Variants in DNAJB13 observed in about 807,000 individuals in gnomAD.
The protein encoded by DNAJB13 is dnaJ homolog subfamily B member 13.
A neutral mutation model predicts 35.6 loss-of-function variants in DNAJB13; 22 were observed. That is an observed-to-expected ratio of 0.62 (90% CI 0.44 to 0.88). The LOEUF (loss-of-function observed/expected upper bound fraction) is 0.88. Among genes scored for constraint, DNAJB13 ranks in the 40% least tolerant of loss-of-function variants. DNAJB13 has a pLI of 0.00. For synonymous variants in DNAJB13, 136 were observed against 144.2 expected (o/e 0.94, Z 0.41); for missense variants, 370 against 384.3 (o/e 0.96, Z 0.31).
At chr11:73,965,595 C>A (rs1322863900) in intron 4 of DNAJB13, 1 of 160,600 alleles carries the variant, frequency 6.2e-6, no homozygotes, top group Non-Finnish European at 1.4e-5. Context: ...AGAGGAGATG[C>A]CGATGCGGCC....
At chr11:73,960,390 CA>C (rs1950898005) in intron 3 of DNAJB13, among the ~76,000 whole-genome samples, 1 of 152,220 alleles carries the variant, frequency 6.6e-6, no homozygotes, top group Non-Finnish European at 1.5e-5. Context: ...CCATGTCTGC[CA>C]GGCTGGTCTT....
chr11:73,958,772 A>G (rs1189289272), intron 2 of DNAJB13, among the ~76,000 whole-genome samples: 1 of 152,218 alleles, frequency 6.6e-6, no homozygotes, highest in Non-Finnish European at 1.5e-5. Context: ...GAAGCTGGGC[A>G]GGCGTGCCCA....
At chr11:73,964,788 T>C (rs1951036457) in intron 3 of DNAJB13, 90 bp from the exon 4 acceptor site, 4 of 853,434 alleles carry the variant, frequency 4.7e-6, no homozygotes, top group Non-Finnish European at 3.6e-6. Flanking sequence ...TGTGTGTGTG[T>C]GTGTGTGTGT....
chr11:73,953,488 A>T lies in DNAJB13; in HGVS notation c.68+2351A>T, dbSNP rs146798161. Among the ~76,000 whole-genome samples, 1,091 of 152,296 alleles carry T rather than the reference A, an allele frequency of 7.2e-3. 15 individuals are homozygous for T. The highest frequency in any genetic ancestry group is 0.024 in the African/African-American group (992 of 41,566). ...GGGCTCACAACACTAAAGATTTCAC[A>T]TGAAAGGGTCGTGATTGATTTGAGC... On this transcript the variant is annotated intron_variant, in intron 1 of 7. Transcript: ENST00000339764.
chr11:73,966,977 C>G (rs1222158879), intron 5 of DNAJB13, among the ~76,000 whole-genome samples: 3 of 151,942 alleles, frequency 2.0e-5, no homozygotes, highest in African/African-American at 7.3e-5. Flanking sequence ...CTCAGCTTCC[C>G]CAGTAGCTGG....
At chr11:73,958,177 A>G in intron 1 of DNAJB13, 140 bp from the exon 2 acceptor site, 1 of 772,510 alleles carries the variant, frequency 1.3e-6, no homozygotes, top group Non-Finnish European at 2.1e-6. Flanking sequence ...TGAGCAGTGC[A>G]CCTCCGCAGC....
chr11:73,965,111 T>TAA, intron 4 of DNAJB13, 76 bp downstream of exon 4: 1 of 1,444,512 alleles, frequency 6.9e-7, no homozygotes, highest in Non-Finnish European at 9.3e-7. Flanking sequence ...CTTACCTGGG[T>TAA]GGGAGGACTC....
intron 4 of DNAJB13, 57 bp from the exon 5 acceptor site, chr11:73,966,081 C>A: frequency 8.1e-6 from 12 of 1,490,566 alleles, no homozygotes; most frequent in Non-Finnish European, 1.1e-5. Flanking sequence ...GAGCAAATCT[C>A]GACTGTACTC....
At chr11:73,963,570 C>T (rs1195014765) in intron 3 of DNAJB13, 1 of 152,268 alleles carries the variant, frequency 6.6e-6, no homozygotes, top group Non-Finnish European at 1.5e-5. Context: ...AGTCCCATCT[C>T]CCTGCAGGGT....
At chr11:73,959,446 CT>C in intron 2 of DNAJB13, 47 bp from the exon 3 acceptor site, 2 of 1,582,722 alleles carry the variant, frequency 1.3e-6, no homozygotes, top group Non-Finnish European at 1.7e-6. Flanking sequence ...CTCCACCTAT[CT>C]CAGCCCCCAA....
In DNAJB13 at chr11:73,958,265, C is replaced by A. The variant is rs10793068; in HGVS notation, c.69-52C>A. The A allele has an allele frequency of 0.41, 640,510 of 1,580,670 alleles. 133,378 individuals are homozygous for A. Among genetic ancestry groups the A allele is most frequent in the African/African-American group, 0.65 (48,147 of 74,336 alleles). ...AGTGCCGGCTCTGAACTCTGGTCCG[C>A]CCTCAGAAACAGACCAGCTGATAAG... On this transcript the variant is annotated intron_variant, in intron 1 of 7. Transcript: ENST00000339764.
Position 73,964,815 on chromosome 11 carries a change from G to GCGCGCGCGCGCC in DNAJB13, c.335-54_335-53insGCCCGCGCGCGC, listed in dbSNP as rs150548061. 3,651 of 974,442 alleles carry GCGCGCGCGCGCC rather than the reference G, an allele frequency of 3.7e-3. 174 individuals carry two copies. The highest frequency in any genetic ancestry group is 4.2e-3 in the African/African-American group (213 of 51,272). The allele number at this position is 974,442 out of a possible 1,614,324, so 60.4% of individuals were successfully genotyped here. A position where few individuals can be genotyped will look rare whatever the true frequency, so the allele number is the denominator to read the frequency against. On this transcript the variant is annotated intron_variant, in intron 3 of 7. Transcript: ENST00000339764. ...TGTGTGTGTGTGTGTGTGTGTGTGCGCGCGCGCGCATGTCTGGGTCTCTGG... is the reference window on the plus strand; with the variant it reads ...TGTGTGTGTGTGTGTGTGTGTGTGCGCGCGCGCGCGCCCGCGCGCGCATGTCTGGGTCTCTGG...
Position 73,951,131 on chromosome 11 carries a change from A to AG in DNAJB13, c.63dup (p.Gln22AlafsTer9). 1 of 1,614,086 alleles carries AG rather than the reference A, an allele frequency of 6.2e-7. No homozygotes were observed. The highest frequency in any genetic ancestry group is 8.5e-7 in the Non-Finnish European group (1 of 1,180,004). ...CGCAATTCAGAGGATGCCCAGATCA[A>AG]GCAGGCGTAAGTTGGGGTGGGAGCC... On this transcript the variant is annotated frameshift_variant, in exon 1 of 8. Transcript: ENST00000339764. LOFTEE classifies it high-confidence loss of function.
At chr11:73,964,672 C>T in intron 3 of DNAJB13, 1 of 592,940 alleles carries the variant, frequency 1.7e-6, no homozygotes, top group Non-Finnish European at 3.0e-6. Context: ...TTGAAGACAG[C>T]TCCTTGGCTT....
intron 5 of DNAJB13, chr11:73,967,869 T>G: frequency 5.2e-6 from 1 of 192,566 alleles, no homozygotes. Flanking sequence ...GGGCCTCCCT[T>G]TATCATGTCT....
At chr11:73,953,517 C>T (rs1950638975) in intron 1 of DNAJB13, among the ~76,000 whole-genome samples, 1 of 152,164 alleles carries the variant, frequency 6.6e-6, no homozygotes, top group Admixed American at 6.5e-5. Flanking sequence ...TTTGAGCAAA[C>T]AAGGGGTACG....
chr11:73,954,760 A>C (rs1950694859), intron 1 of DNAJB13, among the ~76,000 whole-genome samples: 1 of 152,102 alleles, frequency 6.6e-6, no homozygotes, highest in Non-Finnish European at 1.5e-5. Context: ...GTTCAAGACC[A>C]GCCTGGCCAA....
chr11:73,957,839 C>G lies in DNAJB13; in HGVS notation c.69-478C>G, dbSNP rs1026181218. 1.2e-4 allele frequency among the ~76,000 whole-genome samples: 18 copies of G among 152,162 alleles called. 2 individuals are homozygous for G. The highest frequency in any genetic ancestry group is 1.1e-3 in the Admixed American group (17 of 15,278). On this transcript the variant is annotated intron_variant, in intron 1 of 7. Coordinates refer to ENST00000339764, the MANE Select transcript of DNAJB13 (RefSeq NM_153614.4). ...AGGATTAGATGAGCAGGAAATGCACCTGGAGAAACCGTGAAGTATGAAGGG... is the reference window on the plus strand; with the variant it reads ...AGGATTAGATGAGCAGGAAATGCACGTGGAGAAACCGTGAAGTATGAAGGG...
chr11:73,954,035 A>ATAT lies in DNAJB13; in HGVS notation c.68+2900_68+2901insTTA, dbSNP rs1565166839. 6.2e-4 allele frequency among the ~76,000 whole-genome samples: 89 copies of ATAT among 142,836 alleles called. 2 individuals are homozygous for ATAT. The East Asian group carries it at 7.6e-3, about 12-fold the overall frequency. The allele number at this position is 142,836 out of a possible 152,430, so 93.7% of individuals were successfully genotyped here. ...AATAATAATAATAATAATAATAATA[A>ATAT]TAATAATGGCTGGACACAGTGGCTC... On this transcript the variant is annotated intron_variant, in intron 1 of 7. Coordinates refer to ENST00000339764, the MANE Select transcript of DNAJB13 (RefSeq NM_153614.4).
Sources: allele counts gnomAD v4.1 joint callset (sites outside exome capture counted in the v4.1 genomes callset), GRCh38; gene constraint gnomAD v4.1.1; transcripts MANE v1.5; gene names NCBI Gene and HGNC (gene_info 2026-07-23, HGNC 2026-07-21).